Variants in EIF4G3 observed in about 807,000 individuals in gnomAD.
The protein encoded by EIF4G3 is eukaryotic translation initiation factor 4 gamma 3, also known as eIF-4-gamma 3.
Under a neutral mutation model 186.4 loss-of-function variants are expected in EIF4G3, and 34 were observed. The ratio of observed to expected loss-of-function variants is 0.18; its 90% CI spans 0.14 to 0.24. The LOEUF (loss-of-function observed/expected upper bound fraction) is 0.24. Ranked by LOEUF, EIF4G3 falls within the 10% of genes least tolerant of loss-of-function variation. The pLI is 1.00. For missense variants in EIF4G3, 1,536 were observed against 1,948.5 expected, an observed-to-expected ratio of 0.79 and a Z score of 3.99; for synonymous variants, 673 against 679.5, an observed-to-expected ratio of 0.99 and a Z score of 0.15.
At chr1:21,163,334 T>C (rs2097795716) in intron 2 of EIF4G3, among the ~76,000 whole-genome samples, 1 of 152,208 alleles carries the variant, frequency 6.6e-6, no homozygotes, top group African/African-American at 2.4e-5. Flanking sequence ...TTCCAGGAAG[T>C]TGGACTACTT....
intron 34 of EIF4G3, 58 bp downstream of exon 34, chr1:20,817,334 G>A: frequency 8.2e-7 from 1 of 1,226,030 alleles, no homozygotes. Context: ...CGAATTAAGG[G>A]GATCCCACAA....
chr1:20,872,048 C>G (rs1227717682), intron 20 of EIF4G3, among the ~76,000 whole-genome samples: 1 of 151,964 alleles, frequency 6.6e-6, no homozygotes, highest in Non-Finnish European at 1.5e-5. Context: ...ATCCATTGTC[C>G]AAATGTGTCA....
chr1:20,920,307 C>T (rs2094383975), intron 14 of EIF4G3, among the ~76,000 whole-genome samples: 1 of 152,106 alleles, frequency 6.6e-6, no homozygotes, highest in Non-Finnish European at 1.5e-5. Context: ...AGACAAATTC[C>T]TGTAAATTTT....
rs368328382 is a variant in EIF4G3, at chr1:21,007,515, T to TAAAAA, written c.-66-4712_-66-4708dup. ...AATATATTCACAATGGGCCCCTCCT[T>TAAAAA]AAAAAAAAAAAAAAAAAAAAAACAC... On this transcript the variant is annotated intron_variant, in intron 4 of 36. Coordinates refer to ENST00000602326, the MANE Select transcript of EIF4G3 (RefSeq NM_001391906.1). Among the ~76,000 whole-genome samples the TAAAAA allele has an allele frequency of 1.7e-3, 25 of 14,862 alleles. 2 individuals are homozygous for TAAAAA. Among genetic ancestry groups the TAAAAA allele is most frequent in the East Asian group, 9.9e-3 (5 of 506 alleles). 9.8% of individuals were successfully genotyped at this position (14,862 alleles called of 152,430 possible).
intron 2 of EIF4G3, among the ~76,000 whole-genome samples, chr1:21,123,562 C>CAAA (rs796201449): frequency 1.3e-5 from 1 of 74,582 alleles, no homozygotes; most frequent in African/African-American, 4.9e-5. Flanking sequence ...AAGACTGTCT[C>CAAA]AAAAAAAAAA....
chr1:20,934,390 G>A (rs2095444580), intron 14 of EIF4G3, among the ~76,000 whole-genome samples: 1 of 152,122 alleles, frequency 6.6e-6, no homozygotes. Flanking sequence ...TCTGGCATGA[G>A]ACAGACAATA....
intron 30 of EIF4G3, among the ~76,000 whole-genome samples, chr1:20,831,888 T>C (rs1445035417): frequency 1.4e-5 from 2 of 144,474 alleles, no homozygotes; most frequent in African/African-American, 2.6e-5. Flanking sequence ...GATAGTTTAC[T>C]GAGAATGATG....
intron 3 of EIF4G3, among the ~76,000 whole-genome samples, chr1:21,059,438 G>T (rs1462124479): frequency 6.6e-6 from 1 of 151,594 alleles, no homozygotes; most frequent in African/African-American, 2.4e-5. Flanking sequence ...ATAAAAGCTG[G>T]TCTGCTCAAC....
chr1:20,853,938 G>A (rs1033464757), intron 26 of EIF4G3, among the ~76,000 whole-genome samples: 1 of 152,154 alleles, frequency 6.6e-6, no homozygotes, highest in Admixed American at 6.5e-5. Context: ...GTGGCATATA[G>A]GAGGAGGAAG....
chr1:21,008,466 A>G (rs1345159261), intron 4 of EIF4G3, among the ~76,000 whole-genome samples: 3 of 151,996 alleles, frequency 2.0e-5, no homozygotes, highest in African/African-American at 7.3e-5. Flanking sequence ...CCTCCCGAGT[A>G]GCTGGGATTA....
chr1:21,023,157 A>G (rs1436949659), intron 4 of EIF4G3, among the ~76,000 whole-genome samples: 1 of 151,950 alleles, frequency 6.6e-6, no homozygotes, highest in Non-Finnish European at 1.5e-5. Context: ...CACGATTCCT[A>G]TGCACAGGGA....
chr1:20,998,293 G>T (rs1196832571), intron 6 of EIF4G3, among the ~76,000 whole-genome samples: 1 of 151,190 alleles, frequency 6.6e-6, no homozygotes, highest in East Asian at 1.9e-4. Context: ...TTAATACAAG[G>T]CATGTCAAGG....
At chr1:20,905,954 T>C (rs1014694143) in intron 14 of EIF4G3, among the ~76,000 whole-genome samples, 1 of 152,196 alleles carries the variant, frequency 6.6e-6, no homozygotes, top group Non-Finnish European at 1.5e-5. Context: ...TTTTTTGGTA[T>C]GACAGTAGAA....
chr1:20,989,081 G>GGGAGAGGAGAGGAGA (rs1553394546), intron 7 of EIF4G3, among the ~76,000 whole-genome samples: 31 of 36,916 alleles, frequency 8.4e-4, no homozygotes, highest in Non-Finnish European at 1.3e-3. Context: ...GGGAGGGGAG[G>GGGAGAGGAGAGGAGA]GGAGAGGAGA....
intron 34 of EIF4G3, among the ~76,000 whole-genome samples, chr1:20,815,680 C>A (rs1162908573): frequency 6.8e-6 from 1 of 147,468 alleles, no homozygotes; most frequent in South Asian, 2.2e-4. Context: ...CCCGGCCAGC[C>A]GCCCCGTCCG....
chr1:20,839,311 C>A (rs2154549030), intron 30 of EIF4G3, among the ~76,000 whole-genome samples: 1 of 152,036 alleles, frequency 6.6e-6, no homozygotes, highest in South Asian at 2.1e-4. Context: ...CGGGGTTTCA[C>A]CACGTTGTTC....
intron 35 of EIF4G3, among the ~76,000 whole-genome samples, chr1:20,812,171 C>T (rs2059373662): frequency 6.6e-6 from 1 of 152,098 alleles, no homozygotes; most frequent in South Asian, 2.1e-4. Context: ...GCCTGTAATT[C>T]CAGTTACTCA....
At chr1:21,118,934 A>T (rs1251506691) in intron 2 of EIF4G3, among the ~76,000 whole-genome samples, 1 of 81,286 alleles carries the variant, frequency 1.2e-5, no homozygotes, top group Non-Finnish European at 3.4e-5. Flanking sequence ...GCTCTATTAA[A>T]AAAAAAAAAA....
intron 12 of EIF4G3, among the ~76,000 whole-genome samples, chr1:20,967,918 T>C (rs1198829842): frequency 1.3e-5 from 2 of 152,188 alleles, no homozygotes; most frequent in African/African-American, 2.4e-5. Context: ...TACTCCTTAA[T>C]AGCTTTCTTT....
Sources: gnomAD v4.1 joint callset for allele counts (sites outside exome capture counted in the v4.1 genomes callset) on GRCh38, gnomAD v4.1.1 for gene constraint, MANE v1.5 for transcripts, NCBI Gene and HGNC (gene_info 2026-07-23, HGNC 2026-07-21) for gene names.